The following CSMD3 variants were observed in gnomAD, a reference collection of about 807,000 sequenced individuals.
The protein encoded by CSMD3 is CUB and Sushi multiple domains 3, also known as CUB and sushi domain-containing protein 3.
A neutral mutation model predicts 435.2 loss-of-function variants in CSMD3; 177 were observed. The ratio of observed to expected loss-of-function variants is 0.41; its 90% confidence interval spans 0.36 to 0.46. CSMD3 has a LOEUF of 0.46. Ranked by LOEUF, CSMD3 falls within the 20% of genes least tolerant of loss-of-function variation. The probability of loss-of-function intolerance (pLI) is 0.34; values close to 1 mark genes in which losing one functional copy is unlikely to be tolerated. For synonymous variants in CSMD3, 1,656 were observed against 1,520.5 expected (o/e 1.09, Z -2.07); for missense variants, 4,265 against 4,504.6 (o/e 0.95, Z 1.52).
chr8:112,333,132 A>G (rs1207736903), intron 45 of CSMD3, among the ~76,000 whole-genome samples: 1 of 152,184 alleles, frequency 6.6e-6, no homozygotes, highest in Non-Finnish European at 1.5e-5. Context: ...ATCAAGGGTT[A>G]AATGAATATC....
At chr8:112,862,376 C>T (rs1184961400) in intron 10 of CSMD3, among the ~76,000 whole-genome samples, 1 of 151,896 alleles carries the variant, frequency 6.6e-6, no homozygotes, top group African/African-American at 2.4e-5. Context: ...TAGGTCAGTA[C>T]ATATAGGTTT....
chr8:112,547,629 G>T, intron 27 of CSMD3, among the ~76,000 whole-genome samples: 1 of 151,996 alleles, frequency 6.6e-6, no homozygotes, highest in Non-Finnish European at 1.5e-5. Flanking sequence ...TGGGGAAAAA[G>T]AAATACAACT....
chr8:113,284,563 A>G (rs2093633019), intron 2 of CSMD3, among the ~76,000 whole-genome samples: 1 of 152,208 alleles, frequency 6.6e-6, no homozygotes, highest in South Asian at 2.1e-4. Context: ...CTTTCTAGGA[A>G]CAACAATATA....
intron 4 of CSMD3, among the ~76,000 whole-genome samples, chr8:113,139,800 A>G (rs1299281136): frequency 6.6e-6 from 1 of 151,204 alleles, no homozygotes; most frequent in East Asian, 1.9e-4. Context: ...ACCATTTGCT[A>G]CCTATAAGAA....
In CSMD3 at chr8:112,492,629, A is replaced by T. The variant is rs1389262942; in HGVS notation, c.5138T>A (p.Leu1713His). Residue 1713 changes from leucine to histidine, a missense_variant, in exon 31 of 71, where the codon CTT becomes CAT. Leu to His is a moderately conservative substitution (Grantham distance 99). Transcript: ENST00000297405. ...TGACCCTAATTTATAATCCATTCCAAGTCTGGTGCCATTCATTATATTGCC... is the reference window on the plus strand; with the variant it reads ...TGACCCTAATTTATAATCCATTCCATGTCTGGTGCCATTCATTATATTGCC... ...DPGNIMNGTR[L>H]GMDYKLGSTV... 6.2e-7 allele frequency: 1 copy of T among 1,613,778 alleles called. No homozygotes were observed. The highest frequency in any genetic ancestry group is 8.5e-7 in the Non-Finnish European group (1 of 1,179,858).
chr8:112,822,113 G>A (rs2079546812), intron 12 of CSMD3, among the ~76,000 whole-genome samples: 1 of 152,086 alleles, frequency 6.6e-6, no homozygotes, highest in Non-Finnish European at 1.5e-5. Flanking sequence ...TTTTTGCTTA[G>A]GATTGTCTTG....
At chr8:112,259,102 C>A (rs1397353092) in intron 61 of CSMD3, among the ~76,000 whole-genome samples, 1 of 151,954 alleles carries the variant, frequency 6.6e-6, no homozygotes, top group Non-Finnish European at 1.5e-5. Context: ...GGTATATACC[C>A]AAAGGATTAT....
At position 112,292,654 on chromosome 8, in the gene CSMD3, ACCCATTT is replaced by A; in HGVS notation, c.8664_8670del (p.Asn2889SerfsTer7). ...AATGTTACCACATCATTAAAGTTGA[ACCCATTT>A]CCACTTGTTCTTCCATAAATTGGAC... On this transcript the variant is annotated frameshift_variant, in exon 55 of 71. Coordinates refer to ENST00000297405, the MANE Select transcript of CSMD3 (RefSeq NM_198123.2). LOFTEE classifies it high-confidence loss of function. 6.2e-7 allele frequency: 1 copy of A among 1,613,832 alleles called. No homozygotes were observed. Among genetic ancestry groups the A allele is most frequent in the Non-Finnish European group, 8.5e-7 (1 of 1,179,802 alleles).
intron 2 of CSMD3, chr8:113,313,102 A>AT (rs2093882732): frequency 6.6e-6 from 1 of 152,064 alleles, no homozygotes; most frequent in Admixed American, 6.6e-5. Flanking sequence ...GTTCATACAC[A>AT]TTTTCTCGTA....
At chr8:113,381,564 A>G (rs558003511) in intron 1 of CSMD3, among the ~76,000 whole-genome samples, 2 of 151,246 alleles carry the variant, frequency 1.3e-5, no homozygotes, top group Admixed American at 6.6e-5. Context: ...TGCGCTGTCC[A>G]ATTTTTTATT....
At chr8:112,873,935 T>C (rs1367961903) in intron 10 of CSMD3, among the ~76,000 whole-genome samples, 1 of 152,174 alleles carries the variant, frequency 6.6e-6, no homozygotes, top group Non-Finnish European at 1.5e-5. Context: ...ATCTTAGTTA[T>C]TTCTTGTCGT....
chr8:112,660,408 C>T (rs945617698), intron 17 of CSMD3, among the ~76,000 whole-genome samples: 2 of 152,122 alleles, frequency 1.3e-5, no homozygotes, highest in African/African-American at 4.8e-5. Context: ...CCCTTTGCTA[C>T]TGAGTTACTG....
At chr8:112,594,352 G>A (rs893154188) in intron 22 of CSMD3, among the ~76,000 whole-genome samples, 17 of 152,274 alleles carry the variant, frequency 1.1e-4, no homozygotes, top group African/African-American at 2.2e-4. Flanking sequence ...TCCCGCACCC[G>A]GCTCGGAGGG....
At chr8:112,572,726 A>T (rs944415895) in intron 24 of CSMD3, among the ~76,000 whole-genome samples, 1 of 152,136 alleles carries the variant, frequency 6.6e-6, no homozygotes, top group Admixed American at 6.6e-5. Context: ...TTGTAAATTT[A>T]TCAAATACAT....
rs1821338615 is a variant in CSMD3 at position 112,496,305 on chromosome 8, T to G, written c.5084-3622A>C. ...TTTAATTAAAGGCAATAACAAATAC[T>G]GGTGAGAATGAGGAGAAAAGACAAA... On this transcript the variant is annotated intron_variant, in intron 30 of 70. Transcript: ENST00000297405. Among the ~76,000 whole-genome samples the G allele has an allele frequency of 2.6e-5, 4 of 152,090 alleles. No individual in the cohort carries two copies. The South Asian group carries it at 8.3e-4, about 31-fold the overall frequency.
chr8:112,872,835 AATT>A (rs755374374), intron 10 of CSMD3, among the ~76,000 whole-genome samples: 19 of 152,044 alleles, frequency 1.2e-4, no homozygotes, highest in Non-Finnish European at 1.9e-4. Flanking sequence ...GAATGATATA[AATT>A]ATTATGCACA....
intron 1 of CSMD3, among the ~76,000 whole-genome samples, chr8:113,385,179 A>G (rs1039013692): frequency 5.3e-5 from 8 of 152,126 alleles, no homozygotes; most frequent in Admixed American, 5.2e-4. Context: ...CTTAGTACAT[A>G]TTCCTGCCTG....
At chr8:112,333,879 G>A (rs1189375751) in intron 45 of CSMD3, among the ~76,000 whole-genome samples, 1 of 152,074 alleles carries the variant, frequency 6.6e-6, no homozygotes, top group Non-Finnish European at 1.5e-5. Context: ...TCCATGTGGA[G>A]ATAAAATGTA....
Position 113,222,235 on chromosome 8 carries a change from C to T in CSMD3, c.515-48319G>A, listed in dbSNP as rs560915720. 4.2e-4 allele frequency among the ~76,000 whole-genome samples: 63 copies of T among 151,100 alleles called. No individual in the cohort carries two copies. In the East Asian group the frequency reaches 0.011, roughly 26 times the overall value. ...AATCTGTTATTTTTCCTAATAAATA[C>T]TTAAATTTAACCAAAAATTTTCATT... On this transcript the variant is annotated intron_variant, in intron 3 of 70. Transcript: ENST00000297405.
Sources: allele counts gnomAD v4.1 joint callset (sites outside exome capture counted in the v4.1 genomes callset), GRCh38; gene constraint gnomAD v4.1.1; transcripts MANE v1.5; gene names NCBI Gene and HGNC (gene_info 2026-07-23, HGNC 2026-07-21).